Variants in TTC39B observed in about 807,000 individuals in gnomAD.
TTC39B encodes the protein tetratricopeptide repeat domain 39B.
Under a neutral mutation model 96.6 loss-of-function variants are expected in TTC39B, and 92 were observed. The observed-to-expected ratio is 0.95, with a 90% CI of 0.80 to 1.13. The LOEUF (loss-of-function observed/expected upper bound fraction) is 1.13, where lower values mean the gene tolerates loss of function less well. Among genes scored for constraint, TTC39B ranks in the 50% most tolerant of loss-of-function variants. TTC39B has a pLI of 0.00. For missense variants in TTC39B, 955 were observed against 809.3 expected, an observed-to-expected ratio of 1.18 and a Z score of -2.18; for synonymous variants, 367 against 299.4, an observed-to-expected ratio of 1.23 and a Z score of -2.33.
intron 17 of TTC39B, among the ~76,000 whole-genome samples, chr9:15,182,023 G>A (rs1818273524): frequency 6.6e-6 from 1 of 152,152 alleles, no homozygotes. Flanking sequence ...TGTCTTTATA[G>A]ATTTCCCTAT....
At chr9:15,199,376 T>C (rs930032573) in intron 8 of TTC39B, among the ~76,000 whole-genome samples, 2 of 152,184 alleles carry the variant, frequency 1.3e-5, no homozygotes, top group African/African-American at 2.4e-5. Context: ...TTAAATTCTG[T>C]TGTCCTATAA....
At chr9:15,227,853 A>T (rs1378865908) in intron 2 of TTC39B, among the ~76,000 whole-genome samples, 2 of 152,228 alleles carry the variant, frequency 1.3e-5, no homozygotes, top group Non-Finnish European at 2.9e-5. Context: ...ATTTTTACTT[A>T]GTCGTAACTA....
At chr9:15,245,526 A>C (rs1448593490) in intron 2 of TTC39B, among the ~76,000 whole-genome samples, 1 of 152,282 alleles carries the variant, frequency 6.6e-6, no homozygotes, top group East Asian at 1.9e-4. Context: ...AAAACACCTA[A>C]GCTAATATTA....
At chr9:15,219,334 C>G (rs1425415432) in intron 3 of TTC39B, among the ~76,000 whole-genome samples, 1 of 152,096 alleles carries the variant, frequency 6.6e-6, no homozygotes, top group East Asian at 1.9e-4. Context: ...CCTGCCCCAA[C>G]TCCCCTGCTA....
At chr9:15,297,796 C>T (rs1219875582) in intron 1 of TTC39B, among the ~76,000 whole-genome samples, 2 of 151,876 alleles carry the variant, frequency 1.3e-5, no homozygotes, top group Non-Finnish European at 2.9e-5. Context: ...CCACTCCTCA[C>T]TGAAACCCGC....
chr9:15,167,198 G>A lies in TTC39B; in HGVS notation c.*4821C>T, dbSNP rs558698765. ...ACTACAAGTGCACTCCACCATGCACGGCTCATTTTTTTTTTTTTTTTTTTT... is the reference window on the plus strand; with the variant it reads ...ACTACAAGTGCACTCCACCATGCACAGCTCATTTTTTTTTTTTTTTTTTTT... On this transcript the variant is annotated 3_prime_UTR_variant, in exon 20 of 20. Coordinates refer to ENST00000512701, the Ensembl canonical transcript of TTC39B. 5.8e-5 allele frequency: 6 copies of A among 103,478 alleles called. No homozygotes were observed. The East Asian group carries it at 1.1e-3, about 19-fold the overall frequency. 6.4% of individuals were successfully genotyped at this position (103,478 alleles called of 1,614,324 possible).
At chr9:15,295,602 T>A (rs989590096) in intron 1 of TTC39B, among the ~76,000 whole-genome samples, 2 of 152,212 alleles carry the variant, frequency 1.3e-5, no homozygotes, top group Non-Finnish European at 2.9e-5. Flanking sequence ...CTTCATTAAA[T>A]CCATAGATAA....
chr9:15,164,948 ATC>A (rs374701290), exon 20 of TTC39B: 5 of 152,246 alleles, frequency 3.3e-5, no homozygotes, highest in African/African-American at 7.2e-5. Context: ...GTTTACCATA[ATC>A]TCTGTTTATG....
At chr9:15,228,676 C>T (rs1056297912) in intron 2 of TTC39B, among the ~76,000 whole-genome samples, 5 of 152,070 alleles carry the variant, frequency 3.3e-5, no homozygotes, top group Admixed American at 1.3e-4. Flanking sequence ...CATAAGTTTC[C>T]CCCTCCCACT....
At chr9:15,166,553 G>C (rs1365401303) in exon 20 of TTC39B, 3 of 152,148 alleles carry the variant, frequency 2.0e-5, no homozygotes, top group Admixed American at 2.0e-4. Flanking sequence ...GATAGCAGCT[G>C]CTCAACATAA....
At chr9:15,182,262 T>C (rs748699109) in intron 17 of TTC39B, 45 bp downstream of exon 17, 2 of 1,250,842 alleles carry the variant, frequency 1.6e-6, no homozygotes, top group Non-Finnish European at 2.3e-6. Context: ...AGAGCAGTCA[T>C]GGAGCAGAGA....
intron 3 of TTC39B, among the ~76,000 whole-genome samples, chr9:15,216,211 T>C (rs186525337): frequency 6.6e-6 from 1 of 152,318 alleles, no homozygotes; most frequent in Admixed American, 6.5e-5. Flanking sequence ...TTGTCTGTCT[T>C]TCCTCTCTAG....
chr9:15,294,990 C>G (rs1824320416), intron 1 of TTC39B, among the ~76,000 whole-genome samples: 1 of 152,178 alleles, frequency 6.6e-6, no homozygotes, highest in African/African-American at 2.4e-5. Context: ...AGCCCACGTC[C>G]AACTGACTCC....
At chr9:15,229,591 G>A (rs1821312943) in intron 2 of TTC39B, among the ~76,000 whole-genome samples, 1 of 152,064 alleles carries the variant, frequency 6.6e-6, no homozygotes, top group Non-Finnish European at 1.5e-5. Context: ...CTGTTACCAG[G>A]TTTACCATCT....
At chr9:15,197,208 C>T (rs1402823329) in intron 8 of TTC39B, among the ~76,000 whole-genome samples, 1 of 152,176 alleles carries the variant, frequency 6.6e-6, no homozygotes, top group African/African-American at 2.4e-5. Flanking sequence ...CCCAAAATAT[C>T]TCTGAGGTAT....
chr9:15,197,077 G>C (rs1246756754), intron 8 of TTC39B, among the ~76,000 whole-genome samples: 2 of 152,168 alleles, frequency 1.3e-5, no homozygotes, highest in Non-Finnish European at 2.9e-5. Flanking sequence ...AGACATAATG[G>C]TATTGGCAGA....
At chr9:15,303,635 T>A (rs573352259) in intron 1 of TTC39B, among the ~76,000 whole-genome samples, 298 of 149,610 alleles carry the variant, frequency 2.0e-3, no homozygotes, top group African/African-American at 6.6e-3. Flanking sequence ...TGAGAAAAAT[T>A]TTTTTTTTTT....
intron 2 of TTC39B, among the ~76,000 whole-genome samples, chr9:15,243,263 C>A (rs2131477111): frequency 6.6e-6 from 1 of 152,280 alleles, no homozygotes. Flanking sequence ...TCCCAGAAAA[C>A]CTGAGTCACT....
intron 19 of TTC39B, among the ~76,000 whole-genome samples, chr9:15,174,225 C>G (rs921247822): frequency 8.7e-5 from 13 of 149,574 alleles, no homozygotes; most frequent in African/African-American, 3.2e-4. Flanking sequence ...GAAGTATTGC[C>G]TGCTTAGTTT....
Sources: gnomAD v4.1 joint callset for allele counts (sites outside exome capture counted in the v4.1 genomes callset) on GRCh38, gnomAD v4.1.1 for gene constraint, MANE v1.5 for transcripts, NCBI Gene and HGNC (gene_info 2026-07-23, HGNC 2026-07-21) for gene names.